LTAP1: variants seen among roughly 807,000 people sequenced by gnomAD.
LTAP1 encodes the protein HCV NS5A-transactivated protein 4.
chr1:154,210,227 T>C, the LTAP1 span, among the ~76,000 whole-genome samples: 3 of 151,936 alleles, frequency 2.0e-5, no homozygotes, highest in African/African-American at 7.3e-5. Context: ...TTAGTAGAGA[T>C]GAGGTTTTGT....
At chr1:154,210,361 C>A in the LTAP1 span, among the ~76,000 whole-genome samples, 3 of 152,128 alleles carry the variant, frequency 2.0e-5, no homozygotes. Context: ...TCTTTTAAGA[C>A]AACGTAGCTC....
chr1:154,219,390 T>C, the LTAP1 span, among the ~76,000 whole-genome samples: 1 of 152,202 alleles, frequency 6.6e-6, no homozygotes, highest in Non-Finnish European at 1.5e-5. Flanking sequence ...CTGCCTCCTT[T>C]TCTTGGGCTT....
the LTAP1 span, among the ~76,000 whole-genome samples, chr1:154,208,051 T>C: frequency 3.3e-5 from 5 of 151,584 alleles, no homozygotes; most frequent in Admixed American, 6.6e-5. Context: ...CAAGCCAAGA[T>C]TGCGCCACTG....
the LTAP1 span, chr1:154,220,433 T>C: frequency 2.5e-6 from 4 of 1,614,138 alleles, no homozygotes; most frequent in Non-Finnish European, 2.5e-6. Context: ...CGCAGAATTG[T>C]TCGGGTTTAC....
At chr1:154,218,101 A>G in the LTAP1 span, among the ~76,000 whole-genome samples, 3 of 152,150 alleles carry the variant, frequency 2.0e-5, no homozygotes, top group African/African-American at 7.2e-5. Flanking sequence ...AGCCTATATA[A>G]TAATTGAAAA....
At chr1:154,211,216 G>C in the LTAP1 span, among the ~76,000 whole-genome samples, 3 of 151,064 alleles carry the variant, frequency 2.0e-5, no homozygotes, top group Non-Finnish European at 4.4e-5. Flanking sequence ...TGTTGGCCAG[G>C]CTGGTCTTGA....
the LTAP1 span, chr1:154,219,896 C>T: frequency 6.2e-7 from 1 of 1,613,846 alleles, no homozygotes; most frequent in Admixed American, 1.7e-5. Flanking sequence ...TTGCAAAGCG[C>T]ATGATTTGCC....
chr1:154,220,295 A>G, the LTAP1 span: 1 of 1,606,752 alleles, frequency 6.2e-7, no homozygotes, highest in South Asian at 1.1e-5. Flanking sequence ...GAGGGTCTCT[A>G]CTGGGTAAGA....
chr1:154,220,501 T>C, the LTAP1 span: 12 of 1,420,016 alleles, frequency 8.5e-6, no homozygotes, highest in Non-Finnish European at 1.2e-5. Flanking sequence ...CTGGGTCCCC[T>C]GGAGCTCCCC....
At chr1:154,214,390 C>CT in the LTAP1 span, 73 of 1,074,266 alleles carry the variant, frequency 6.8e-5, no homozygotes, top group Non-Finnish European at 1.0e-4. Context: ...TTTGACAACT[C>CT]TGAGAGAAAA....
the LTAP1 span, among the ~76,000 whole-genome samples, chr1:154,215,885 T>C: frequency 1.3e-5 from 2 of 151,372 alleles, no homozygotes; most frequent in African/African-American, 2.4e-5. Context: ...TCGCCCAGGC[T>C]GGAGTGCAGT....
At chr1:154,219,715 C>G in the LTAP1 span, 1 of 773,042 alleles carries the variant, frequency 1.3e-6, no homozygotes, top group Non-Finnish European at 2.1e-6. Context: ...TTAGTAAGTA[C>G]AAGGACAAGT....
chr1:154,211,325 T>C, the LTAP1 span, among the ~76,000 whole-genome samples: 1 of 40,534 alleles, frequency 2.5e-5, no homozygotes, highest in Non-Finnish European at 4.7e-5. Context: ...TATTTAATTC[T>C]TTTTTTTTTT....
the LTAP1 span, among the ~76,000 whole-genome samples, chr1:154,208,937 A>G: frequency 6.6e-6 from 1 of 152,138 alleles, no homozygotes; most frequent in Admixed American, 6.5e-5. Flanking sequence ...TAGTAGAGAC[A>G]GGGTTTCACC....
the LTAP1 span, among the ~76,000 whole-genome samples, chr1:154,216,120 A>T: frequency 6.6e-6 from 1 of 151,976 alleles, no homozygotes; most frequent in South Asian, 2.1e-4. Flanking sequence ...TACAGGCGTG[A>T]GCCACCGCGC....
At chr1:154,211,279 A>T in the LTAP1 span, among the ~76,000 whole-genome samples, 4 of 140,440 alleles carry the variant, frequency 2.8e-5, no homozygotes, top group African/African-American at 1.1e-4. Flanking sequence ...CTGGGATTAT[A>T]GGCGTGAGCC....
the LTAP1 span, among the ~76,000 whole-genome samples, chr1:154,211,023 T>A: frequency 6.6e-6 from 1 of 152,030 alleles, no homozygotes; most frequent in African/African-American, 2.4e-5. Context: ...TTATTTTTTT[T>A]TTGAGACAGT....
At chr1:154,207,433 G>C in the LTAP1 span, 18 of 1,612,196 alleles carry the variant, frequency 1.1e-5, no homozygotes, top group African/African-American at 2.4e-4. Context: ...TTAATCTACG[G>C]CAAGAGTCCT....
chr1:154,214,711 G>A, the LTAP1 span: 8 of 606,740 alleles, frequency 1.3e-5, no homozygotes, highest in Non-Finnish European at 2.0e-5. Flanking sequence ...AAAATTACCA[G>A]ATAAGAGGTA....
Sources: gnomAD v4.1 joint callset for allele counts (sites outside exome capture counted in the v4.1 genomes callset) on GRCh38, gnomAD v4.1.1 for gene constraint, MANE v1.5 for transcripts, NCBI Gene and HGNC (gene_info 2026-07-23, HGNC 2026-07-21) for gene names.